Variants in SBK1 observed in about 807,000 individuals in gnomAD.
The protein encoded by SBK1 is SH3 domain binding kinase 1, also known as serine/threonine-protein kinase SBK1.
SBK1 carries 11 observed loss-of-function variants against 24.4 expected under a neutral mutation model. The observed-to-expected ratio is 0.45, with a 90% CI of 0.28 to 0.75. The LOEUF (loss-of-function observed/expected upper bound fraction) is 0.75, where lower values mean the gene tolerates loss of function less well. Ranked by LOEUF, SBK1 falls within the 30% of genes least tolerant of loss-of-function variation. SBK1 has a pLI of 0.12. For synonymous variants in SBK1, 308 were observed against 284.4 expected (o/e 1.08, Z -0.83); for missense variants, 467 against 620.5 (o/e 0.75, Z 2.63).
chr16:28,321,020 G>C lies in SBK1; in HGVS notation c.*99G>C. 1 of 1,135,106 alleles carries C rather than the reference G, an allele frequency of 8.8e-7. No homozygotes were observed. Among genetic ancestry groups the C allele is most frequent in the Non-Finnish European group, 1.1e-6 (1 of 881,996 alleles). The allele number at this position is 1,135,106 out of a possible 1,614,324, so 70.3% of individuals were successfully genotyped here. A position where few individuals can be genotyped will look rare whatever the true frequency, so the allele number is the denominator to read the frequency against. ...AATGGAGCCACCTCGCCGCGGGGCA[G>C]GGGGCGCAGCGGTAGACTAGGCAGG... On this transcript the variant is annotated 3_prime_UTR_variant, in exon 4 of 4. Coordinates refer to ENST00000341901, the MANE Select transcript of SBK1 (RefSeq NM_001024401.3).
chr16:28,320,110 T>C lies in SBK1; in HGVS notation c.464T>C (p.Val155Ala), dbSNP rs988727411. The C allele has an allele frequency of 3.2e-6, 5 of 1,562,670 alleles. No homozygotes were observed. The highest frequency in any genetic ancestry group is 1.4e-5 in the African/African-American group (1 of 73,670). Residue 155 changes from valine to alanine, a missense_variant, in exon 4 of 4, where the codon GTG becomes GCG. Physicochemically the swap from Val to Ala is moderately conservative, Grantham distance 64. Coordinates refer to ENST00000341901, the MANE Select transcript of SBK1 (RefSeq NM_001024401.3). The surrounding 1 kb of genome is among the most constrained non-coding windows in gnomAD (Gnocchi z 8.5). ...GLPEDTVKRC[V>A]QQLGLALDFM... ...CCTGAGGACACGGTGAAGCGCTGTG[T>C]GCAGCAGCTGGGCCTGGCGCTGGAC...
Position 28,273,289 on chromosome 16 carries a change from C to T in SBK1, c.257+13787C>T, listed in dbSNP as rs1359393279. On this transcript the variant is annotated intron_variant, in intron 1 of 3. Coordinates refer to the SBK1 transcript ENST00000671413. The stretch of plus-strand genomic sequence containing the variant: ...AAGCTAGAGTGCAATGGCGCAGTCT[C>T]GGCTCACTGCAACTTCCGCCTCCTG... 6.6e-5 allele frequency among the ~76,000 whole-genome samples: 10 copies of T among 151,716 alleles called. No homozygotes were observed. The South Asian group carries it at 8.3e-4, about 13-fold the overall frequency.
intron 1 of SBK1, among the ~76,000 whole-genome samples, chr16:28,298,662 C>T (rs1054245290): frequency 2.6e-5 from 4 of 152,222 alleles, no homozygotes; most frequent in Admixed American, 2.0e-4. Context: ...CCTTCCCTGC[C>T]GGGGTATGCA....
intron 1 of SBK1, among the ~76,000 whole-genome samples, chr16:28,273,862 C>T (rs1484398046): frequency 1.3e-5 from 2 of 152,342 alleles, no homozygotes; most frequent in Admixed American, 6.5e-5. Context: ...TCTATAGGTA[C>T]ACCCATACAA....
intron 1 of SBK1, among the ~76,000 whole-genome samples, chr16:28,312,685 G>C (rs552790676): frequency 3.9e-5 from 6 of 152,342 alleles, no homozygotes; most frequent in African/African-American, 1.4e-4. Flanking sequence ...ACAGTTGCTG[G>C]AGAGGAAGTT....
chr16:28,306,719 C>T (rs1195096413), intron 1 of SBK1, among the ~76,000 whole-genome samples: 1 of 152,172 alleles, frequency 6.6e-6, no homozygotes. Context: ...CCGAAGAGCT[C>T]CTTGAAAGCA....
rs1216854332 is a variant in SBK1, at chr16:28,317,315, G to A, written c.-7-70G>A. 4.2e-6 allele frequency: 5 copies of A among 1,198,202 alleles called. No individual in the cohort carries two copies. Among genetic ancestry groups the A allele is most frequent in the Non-Finnish European group, 4.9e-6 (4 of 821,626 alleles). The allele number at this position is 1,198,202 out of a possible 1,614,324, so 74.2% of individuals were successfully genotyped here. A position where few individuals can be genotyped will look rare whatever the true frequency, so the allele number is the denominator to read the frequency against. On this transcript the variant is annotated intron_variant, in intron 1 of 3. Coordinates refer to ENST00000341901, the MANE Select transcript of SBK1 (RefSeq NM_001024401.3). This position sits in a 1 kb window ranked among gnomAD's most constrained non-coding sequence, Gnocchi z 4.2. ...CCTCAAGTTTTCTGGGTTCTGGGGA[G>A]GGCAGAGGGGCTGGAGGAGGGGACC...
intron 1 of SBK1, among the ~76,000 whole-genome samples, chr16:28,298,958 A>C (rs868188826): frequency 6.6e-6 from 1 of 152,136 alleles, no homozygotes; most frequent in Non-Finnish European, 1.5e-5. Flanking sequence ...GAAGGGGTTT[A>C]CCTATCCATG....
chr16:28,263,008 A>T (rs2044406721), intron 1 of SBK1, among the ~76,000 whole-genome samples: 1 of 152,180 alleles, frequency 6.6e-6, no homozygotes, highest in Non-Finnish European at 1.5e-5. Context: ...CAGATGAAGA[A>T]CAAGAGTGGA....
upstream of SBK1, chr16:28,292,016 AG>A (rs2044602031): frequency 6.6e-6 from 1 of 152,110 alleles, no homozygotes; most frequent in Non-Finnish European, 1.5e-5. Flanking sequence ...GATGGATGGA[AG>A]CGCAGGCAGG....
At chr16:28,314,324 CTTT>C in intron 1 of SBK1, among the ~76,000 whole-genome samples, 1 of 94,478 alleles carries the variant, frequency 1.1e-5, no homozygotes, top group Admixed American at 1.2e-4. Context: ...ACCCAGCTAA[CTTT>C]TTTTTTTTTT....
At chr16:28,297,818 G>A (rs2044651359) in intron 1 of SBK1, among the ~76,000 whole-genome samples, 1 of 152,200 alleles carries the variant, frequency 6.6e-6, no homozygotes, top group South Asian at 2.1e-4. Flanking sequence ...GGAGGCAGAG[G>A]CTTCTGGTTC....
chr16:28,272,256 G>C (rs1384563141), intron 1 of SBK1, among the ~76,000 whole-genome samples: 1 of 151,894 alleles, frequency 6.6e-6, no homozygotes, highest in Non-Finnish European at 1.5e-5. Context: ...TTTTTATAGG[G>C]ACAGAGTTTC....
intron 1 of SBK1, among the ~76,000 whole-genome samples, chr16:28,312,066 G>A (rs539052055): frequency 3.3e-5 from 5 of 152,262 alleles, no homozygotes; most frequent in South Asian, 2.1e-4. Context: ...CTGTATGCAC[G>A]TGGACCGCCC....
At chr16:28,308,776 TG>T (rs2044734536) in intron 1 of SBK1, among the ~76,000 whole-genome samples, 1 of 148,594 alleles carries the variant, frequency 6.7e-6, no homozygotes, top group Non-Finnish European at 1.5e-5. Flanking sequence ...TGTGTGTGTG[TG>T]TGTTTGTTTT....
intron 1 of SBK1, among the ~76,000 whole-genome samples, chr16:28,307,307 C>CAATAGAGGGGGAAATAGAATGATCAGT (rs2141584467): frequency 6.6e-6 from 1 of 152,340 alleles, no homozygotes; most frequent in South Asian, 2.1e-4. Flanking sequence ...GAAACTGAGG[C>CAATAGAGGGGGAAATAGAATGATCAGT]ACAGAGTGGT....
chr16:28,262,058 A>ACTC (rs1173379774), intron 1 of SBK1, among the ~76,000 whole-genome samples: 1 of 152,188 alleles, frequency 6.6e-6, no homozygotes, highest in African/African-American at 2.4e-5. Context: ...CCAGGTGGTG[A>ACTC]AGCTAAAAAT....
At chr16:28,266,209 T>A (rs1252147712) in intron 1 of SBK1, among the ~76,000 whole-genome samples, 2 of 151,726 alleles carry the variant, frequency 1.3e-5, no homozygotes, top group Non-Finnish European at 2.9e-5. Flanking sequence ...TACAAAAAAA[T>A]TTTAAAAATT....
At chr16:28,271,371 A>G (rs916171949) in intron 1 of SBK1, among the ~76,000 whole-genome samples, 3 of 152,156 alleles carry the variant, frequency 2.0e-5, no homozygotes, top group Admixed American at 2.0e-4. Flanking sequence ...AGCCTGGCCA[A>G]CATGGTGAAA....
Sources: allele counts gnomAD v4.1 joint callset (sites outside exome capture counted in the v4.1 genomes callset), GRCh38; gene constraint gnomAD v4.1.1; non-coding constraint Gnocchi (gnomAD v3.1); transcripts MANE v1.5; gene names NCBI Gene and HGNC (gene_info 2026-07-23, HGNC 2026-07-21).